Variants in TULP4 observed in about 807,000 individuals in gnomAD.
TULP4 encodes the protein tubby-related protein 4.
In TULP4, 16 loss-of-function variants were observed where a neutral mutation model predicts 129.0. That is an observed-to-expected ratio of 0.12 (90% CI 0.08 to 0.19). The LOEUF (loss-of-function observed/expected upper bound fraction) is 0.19. Among genes scored for constraint, TULP4 ranks in the 10% least tolerant of loss-of-function variants. TULP4 has a pLI of 1.00. For missense variants in TULP4, 1,842 were observed against 2,059.1 expected, an observed-to-expected ratio of 0.89 and a Z score of 2.04; for synonymous variants, 998 against 854.0, an observed-to-expected ratio of 1.17 and a Z score of -2.94.
At chr6:158,494,368 T>G (rs1780279835) in intron 10 of TULP4, among the ~76,000 whole-genome samples, 1 of 152,198 alleles carries the variant, frequency 6.6e-6, no homozygotes, top group South Asian at 2.1e-4. Context: ...TTTAAAAATT[T>G]AATTGAATGA....
At chr6:158,467,078 C>G (rs1341825258) in intron 6 of TULP4, among the ~76,000 whole-genome samples, 1 of 152,184 alleles carries the variant, frequency 6.6e-6, no homozygotes, top group Admixed American at 6.5e-5. Context: ...CACTCCACCT[C>G]TTAAATAATG....
intron 3 of TULP4, among the ~76,000 whole-genome samples, chr6:158,435,816 T>A (rs950499851): frequency 6.6e-6 from 1 of 152,120 alleles, no homozygotes; most frequent in Non-Finnish European, 1.5e-5. Flanking sequence ...CTCTCCTCCC[T>A]CCGGTCCCTC....
chr6:158,462,513 A>G (rs1779454078), intron 6 of TULP4, among the ~76,000 whole-genome samples: 1 of 150,622 alleles, frequency 6.6e-6, no homozygotes, highest in Admixed American at 6.6e-5. Context: ...AGCTGGGACT[A>G]CAGGTGTCTG....
intron 1 of TULP4, among the ~76,000 whole-genome samples, chr6:158,245,548 G>A (rs1192911534): frequency 6.6e-6 from 1 of 151,988 alleles, no homozygotes; most frequent in Non-Finnish European, 1.5e-5. Flanking sequence ...ATATCACAAT[G>A]CAAAGTGTGC....
At chr6:158,348,937 C>T (rs557222164) in intron 1 of TULP4, among the ~76,000 whole-genome samples, 80 of 35,664 alleles carry the variant, frequency 2.2e-3, no homozygotes, top group African/African-American at 3.7e-3. Flanking sequence ...CACTCCTCAC[C>T]TCCCAGATGA....
chr6:158,334,854 C>T (rs1030498422), intron 1 of TULP4, among the ~76,000 whole-genome samples: 8 of 152,200 alleles, frequency 5.3e-5, no homozygotes, highest in Non-Finnish European at 8.8e-5. Flanking sequence ...CTTTATTTCT[C>T]TGTTCTGCTC....
chr6:158,322,997 CAAG>C (rs1779672133), intron 1 of TULP4, among the ~76,000 whole-genome samples: 1 of 152,084 alleles, frequency 6.6e-6, no homozygotes, highest in Non-Finnish European at 1.5e-5. Flanking sequence ...CTCAGTGGTG[CAAG>C]AAGATTAAGC....
chr6:158,270,456 T>C (rs1778527183), intron 1 of TULP4, among the ~76,000 whole-genome samples: 1 of 152,170 alleles, frequency 6.6e-6, no homozygotes, highest in Admixed American at 6.5e-5. Flanking sequence ...GTAGGGTGCT[T>C]CTCGGGGCTA....
At chr6:158,385,842 C>CGTTTTTTTTTTTTTTTTTTTTT (rs1777431780) in intron 1 of TULP4, among the ~76,000 whole-genome samples, 1 of 59,576 alleles carries the variant, frequency 1.7e-5, no homozygotes, top group African/African-American at 7.2e-5. Context: ...TGTGGAATAT[C>CGTTTTTTTTTTTTTTTTTTTTT]TTTTTTTTTT....
intron 1 of TULP4, among the ~76,000 whole-genome samples, chr6:158,269,433 A>G (rs1261403482): frequency 1.3e-5 from 2 of 152,068 alleles, no homozygotes; most frequent in Admixed American, 6.6e-5. Context: ...GACTGAGAAC[A>G]TGGAGTAAGA....
chr6:158,396,171 G>A (rs1777709655), intron 1 of TULP4, among the ~76,000 whole-genome samples: 1 of 152,182 alleles, frequency 6.6e-6, no homozygotes. Flanking sequence ...CAGAGTGTTT[G>A]TACCTAGTAA....
chr6:158,465,462 G>A (rs1040254687), intron 6 of TULP4, among the ~76,000 whole-genome samples: 3 of 152,200 alleles, frequency 2.0e-5, no homozygotes, highest in Non-Finnish European at 4.4e-5. Context: ...GAACATGGGT[G>A]TACAGATCTC....
intron 1 of TULP4, among the ~76,000 whole-genome samples, chr6:158,271,435 AT>A (rs11353069): frequency 0.011 from 1,564 of 143,026 alleles, 15 homozygotes; most frequent in African/African-American, 0.028. Flanking sequence ...CCATTTTAGA[AT>A]TTTTTTTTTT....
intron 1 of TULP4, among the ~76,000 whole-genome samples, chr6:158,305,261 G>A (rs540203143): frequency 1.3e-5 from 2 of 151,684 alleles, no homozygotes; most frequent in East Asian, 1.9e-4. Flanking sequence ...GAGTTCATCC[G>A]TTTGGTAGCA....
intron 1 of TULP4, among the ~76,000 whole-genome samples, chr6:158,324,388 A>G (rs146111122): frequency 6.6e-6 from 1 of 152,324 alleles, no homozygotes; most frequent in African/African-American, 2.4e-5. Context: ...GCAGAGTGCT[A>G]TAGTAGGTCA....
chr6:158,383,061 G>T (rs1050889377), intron 1 of TULP4, among the ~76,000 whole-genome samples: 1 of 152,194 alleles, frequency 6.6e-6, no homozygotes, highest in Admixed American at 6.5e-5. Flanking sequence ...GCATTTGCTG[G>T]AGCAGTCTGA....
Position 158,480,106 on chromosome 6 carries a change from T to C in TULP4, c.1251+131T>C, listed in dbSNP as rs141702516. The C allele has an allele frequency of 1.5e-4, 102 of 692,060 alleles. No individual in the cohort carries two copies. In the African/African-American group the frequency reaches 1.8e-3, roughly 12 times the overall value. 42.9% of individuals were successfully genotyped at this position (692,060 alleles called of 1,614,324 possible). ...TGTGCAGCTGTGCAGGATCCTGTCA[T>C]GTGCTGCCAGGTCTGCAGTCTGTCG... On this transcript the variant is annotated intron_variant, in intron 7 of 13. Transcript: ENST00000367097.
chr6:158,402,443 T>C (rs554861297), intron 1 of TULP4, among the ~76,000 whole-genome samples: 6 of 152,384 alleles, frequency 3.9e-5, no homozygotes, highest in African/African-American at 1.4e-4. Flanking sequence ...TAGTGTTGAC[T>C]GTCATTACTG....
chr6:158,482,361 C>T (rs1201276952), intron 8 of TULP4, among the ~76,000 whole-genome samples: 1 of 152,174 alleles, frequency 6.6e-6, no homozygotes, highest in Non-Finnish European at 1.5e-5. Context: ...TCAGCATCGG[C>T]AGTGACACTC....
Sources: gnomAD v4.1 joint callset for allele counts (sites outside exome capture counted in the v4.1 genomes callset) on GRCh38, gnomAD v4.1.1 for gene constraint, MANE v1.5 for transcripts, NCBI Gene and HGNC (gene_info 2026-07-23, HGNC 2026-07-21) for gene names.